The following TMTC1 variants were observed in gnomAD, a reference collection of about 807,000 sequenced individuals.
TMTC1 encodes protein O-mannosyl-transferase TMTC1.
A neutral mutation model predicts 104.8 loss-of-function variants in TMTC1; 73 were observed. That is an observed-to-expected ratio of 0.70 (90% CI 0.58 to 0.85). The LOEUF is 0.85. Ranked by LOEUF, TMTC1 falls within the 40% of genes least tolerant of loss-of-function variation. The pLI is 0.00. For missense variants in TMTC1, 1,035 were observed against 1,096.1 expected (o/e 0.94, Z 0.79); for synonymous variants, 434 against 428.7 (o/e 1.01, Z -0.15).
chr12:29,737,762 T>C (rs1027097085), intron 5 of TMTC1, among the ~76,000 whole-genome samples: 1 of 152,148 alleles, frequency 6.6e-6, no homozygotes, highest in Non-Finnish European at 1.5e-5. Context: ...TGTGTCCTGC[T>C]GAGCGAATGA....
intron 10 of TMTC1, among the ~76,000 whole-genome samples, chr12:29,546,574 T>C (rs1444141671): frequency 6.6e-6 from 1 of 152,152 alleles, no homozygotes; most frequent in Non-Finnish European, 1.5e-5. Flanking sequence ...ATTTTTAGAT[T>C]TAAAAGCCTT....
chr12:29,578,883 T>G (rs1324358338), intron 8 of TMTC1, among the ~76,000 whole-genome samples: 1 of 152,178 alleles, frequency 6.6e-6, no homozygotes, highest in East Asian at 1.9e-4. Context: ...GACCTGAGAT[T>G]TTATAATGCC....
At chr12:29,593,687 T>G (rs1437842414) in intron 7 of TMTC1, among the ~76,000 whole-genome samples, 3 of 152,230 alleles carry the variant, frequency 2.0e-5, no homozygotes, top group Non-Finnish European at 4.4e-5. Flanking sequence ...AACCTCTCCC[T>G]ACTCTTCAAT....
At chr12:29,522,668 G>A (rs1242365185) in intron 11 of TMTC1, among the ~76,000 whole-genome samples, 2 of 152,018 alleles carry the variant, frequency 1.3e-5, no homozygotes, top group Non-Finnish European at 2.9e-5. Flanking sequence ...GTATATTCAT[G>A]TATCCATTCA....
intron 12 of TMTC1, chr12:29,519,331 A>C (rs550398830): frequency 6.6e-6 from 1 of 152,206 alleles, no homozygotes; most frequent in East Asian, 1.9e-4. Flanking sequence ...AAAATTTTCC[A>C]CTTTACAGAT....
At chr12:29,587,404 G>A (rs922820339) in intron 7 of TMTC1, among the ~76,000 whole-genome samples, 1 of 151,692 alleles carries the variant, frequency 6.6e-6, no homozygotes, top group Non-Finnish European at 1.5e-5. Flanking sequence ...TATGATCATG[G>A]CTCACTGCAG....
intron 7 of TMTC1, among the ~76,000 whole-genome samples, chr12:29,592,404 C>T (rs1946304995): frequency 6.6e-6 from 1 of 152,150 alleles, no homozygotes; most frequent in African/African-American, 2.4e-5. Context: ...TTTCCTTAGC[C>T]TCCCATGCTA....
intron 7 of TMTC1, among the ~76,000 whole-genome samples, chr12:29,603,585 G>A (rs924000147): frequency 4.6e-5 from 7 of 152,110 alleles, no homozygotes. Context: ...AAGAAAAGTG[G>A]CCTTGGAACA....
intron 15 of TMTC1, among the ~76,000 whole-genome samples, chr12:29,515,105 C>T (rs544311857): frequency 1.1e-4 from 17 of 152,268 alleles, no homozygotes; most frequent in African/African-American, 3.4e-4. Flanking sequence ...AGTTTTCCCA[C>T]GTATCGATGA....
chr12:29,675,617 C>CAT (rs1160027719), intron 5 of TMTC1, among the ~76,000 whole-genome samples: 1 of 82,464 alleles, frequency 1.2e-5, no homozygotes, highest in East Asian at 3.2e-4. Flanking sequence ...CACACACACA[C>CAT]ACACACACAC....
intron 11 of TMTC1, among the ~76,000 whole-genome samples, chr12:29,523,969 TG>T (rs2136168514): frequency 6.6e-6 from 1 of 152,314 alleles, no homozygotes; most frequent in Non-Finnish European, 1.5e-5. Flanking sequence ...CTTTTGGTTA[TG>T]ATTTTACTTA....
chr12:29,585,197 T>C (rs1455341330), intron 7 of TMTC1, among the ~76,000 whole-genome samples: 1 of 152,140 alleles, frequency 6.6e-6, no homozygotes, highest in African/African-American at 2.4e-5. Context: ...CCAGTGATGA[T>C]GAGCATTTTT....
chr12:29,745,361 G>A (rs1414049130), intron 5 of TMTC1, among the ~76,000 whole-genome samples: 1 of 152,046 alleles, frequency 6.6e-6, no homozygotes, highest in Non-Finnish European at 1.5e-5. Context: ...AGTGGCTCAC[G>A]ACTTTAATTC....
Position 29,518,594 on chromosome 12 carries a change from C to G in TMTC1, c.1902G>C (p.Lys634Asn), listed in dbSNP as rs372229157. The G allele has an allele frequency of 2.0e-5, 33 of 1,613,936 alleles. No homozygotes were observed. Among genetic ancestry groups the G allele is most frequent in the Non-Finnish European group, 2.7e-5 (32 of 1,179,960 alleles). ...VFLVDTGLPE[K>N]AVAHYQQAIK... Reference sequence around the variant, plus strand: ...TGGCCTGCTGGTAATGGGCCACTGCCTTTTCTGGTAAGCCTGTAACCAGTG... The same window carrying G: ...TGGCCTGCTGGTAATGGGCCACTGCGTTTTCTGGTAAGCCTGTAACCAGTG... The change falls in exon 13 of 18, where the codon AAG (lysine) becomes AAC (asparagine). Residue 634 changes from lysine to asparagine, a missense_variant. By Grantham distance (94) the Lys-to-Asn change is moderately conservative. Coordinates refer to ENST00000539277, the MANE Select transcript of TMTC1 (RefSeq NM_001193451.2).
At chr12:29,575,523 C>G (rs139348882) in intron 8 of TMTC1, among the ~76,000 whole-genome samples, 18 of 151,942 alleles carry the variant, frequency 1.2e-4, no homozygotes, top group African/African-American at 4.3e-4. Context: ...TAACAGCCCC[C>G]GAGAACTGAG....
In TMTC1 at chr12:29,606,138, G is replaced by A. The variant is rs192683589; in HGVS notation, c.1129-1839C>T. 2.4e-4 allele frequency among the ~76,000 whole-genome samples: 36 copies of A among 152,208 alleles called. No homozygotes were observed. In the East Asian group the frequency reaches 3.7e-3, roughly 15 times the overall value. The stretch of plus-strand genomic sequence containing the variant: ...TGACGAGTATCTAGGCTGATTCCAT[G>A]TCTTTGCTATTGTGAAAAGTGCTGT... On this transcript the variant is annotated intron_variant, in intron 6 of 17. Coordinates refer to ENST00000539277, the MANE Select transcript of TMTC1 (RefSeq NM_001193451.2).
intron 6 of TMTC1, among the ~76,000 whole-genome samples, chr12:29,605,197 T>G (rs1269809518): frequency 6.6e-6 from 1 of 152,214 alleles, no homozygotes; most frequent in East Asian, 1.9e-4. Context: ...TTTTAATGTT[T>G]CCTTTAAACA....
chr12:29,671,298 TTAAATAAA>T lies in TMTC1; in HGVS notation c.939-37970_939-37963del, dbSNP rs66951742. The stretch of plus-strand genomic sequence containing the variant: ...CTGGGCGACAGAGTGAGACTCCATC[TTAAATAAA>T]TAAATAAATAAATAAATAAATAAAT... On this transcript the variant is annotated intron_variant, in intron 5 of 17. Transcript: ENST00000539277. 6.3e-3 allele frequency among the ~76,000 whole-genome samples: 911 copies of T among 143,536 alleles called. 8 individuals are homozygous for T. Among genetic ancestry groups the T allele is most frequent in the African/African-American group, 0.021 (819 of 38,376 alleles). 94.2% of individuals were successfully genotyped at this position (143,536 alleles called of 152,430 possible).
rs373985386 is a variant in TMTC1 at position 29,501,072 on chromosome 12, G to C, written c.*5774C>G. 3 of 152,482 alleles carry C rather than the reference G, an allele frequency of 2.0e-5. No homozygotes were observed. The highest frequency in any genetic ancestry group is 3.9e-4 in the East Asian group (2 of 5,186). 9.4% of individuals were successfully genotyped at this position (152,482 alleles called of 1,614,324 possible). A position where few individuals can be genotyped will look rare whatever the true frequency, so the allele number is the denominator to read the frequency against. ...GCAAATCATTTCCCCCTGACAAAAGGAGGGATCTGCGTGAATTACAGCAAA... is the reference window on the plus strand; with the variant it reads ...GCAAATCATTTCCCCCTGACAAAAGCAGGGATCTGCGTGAATTACAGCAAA... On this transcript the variant is annotated 3_prime_UTR_variant, in exon 18 of 18. Transcript: ENST00000539277.
Sources: allele counts gnomAD v4.1 joint callset (sites outside exome capture counted in the v4.1 genomes callset), GRCh38; gene constraint gnomAD v4.1.1; transcripts MANE v1.5; gene names NCBI Gene and HGNC (gene_info 2026-07-23, HGNC 2026-07-21).